GLIS3: variants seen among roughly 807,000 people sequenced by gnomAD.
GLIS3 encodes zinc finger protein GLIS3.
In GLIS3, 53 loss-of-function variants were observed where a neutral mutation model predicts 78.6. The ratio of observed to expected loss-of-function variants is 0.67; its 90% confidence interval spans 0.54 to 0.85. The LOEUF is 0.85. Among genes scored for constraint, GLIS3 ranks in the 40% least tolerant of loss-of-function variants. The probability of loss-of-function intolerance (pLI) is 0.00; values close to 1 mark genes in which losing one functional copy is unlikely to be tolerated. For missense variants in GLIS3, 1,703 were observed against 1,231.1 expected (o/e 1.38, Z -5.74); for synonymous variants, 684 against 509.9 (o/e 1.34, Z -4.60).
At chr9:4,452,190 T>C in the GLIS3 span, among the ~76,000 whole-genome samples, 5 of 152,158 alleles carry the variant, frequency 3.3e-5, no homozygotes, top group Non-Finnish European at 5.9e-5. Flanking sequence ...ATAAGAGTTA[T>C]TTATGACAAA....
intron 6 of GLIS3, among the ~76,000 whole-genome samples, chr9:3,907,599 C>CA (rs1384187942): frequency 0.032 from 4,280 of 132,272 alleles, 97 homozygotes; most frequent in East Asian, 0.084. Flanking sequence ...CATCCTCCAC[C>CA]CCCCAAACAC....
In GLIS3 at chr9:3,960,601, A is replaced by T. The variant is rs551317101; in HGVS notation, c.1711-23412T>A. On this transcript the variant is annotated intron_variant, in intron 4 of 10. Coordinates refer to ENST00000381971, the MANE Select transcript of GLIS3 (RefSeq NM_001042413.2). ...ACATAGTGGGTCCACAGTATGTTGA[A>T]TAAATTAATGAAAAGATTGTGTTTT... 2.6e-4 allele frequency among the ~76,000 whole-genome samples: 39 copies of T among 152,304 alleles called. No individual in the cohort carries two copies. The South Asian group carries it at 6.6e-3, about 26-fold the overall frequency.
chr9:4,145,873 A>G (rs2380938), intron 2 of GLIS3, among the ~76,000 whole-genome samples: 96,564 of 151,872 alleles, frequency 0.64, 31,081 homozygotes, highest in South Asian at 0.73. Context: ...TAAACAATAT[A>G]CTTCATTTAA....
At position 4,281,856 on chromosome 9, in the gene GLIS3, A is replaced by G. The variant is rs894137291; in HGVS notation, c.388+4182T>C. 2.6e-5 allele frequency among the ~76,000 whole-genome samples: 4 copies of G among 152,278 alleles called. No individual in the cohort carries two copies. In the East Asian group the frequency reaches 7.7e-4, roughly 29 times the overall value. ...AAGCTAGTAGTTTGCCTGGTGTCCA[A>G]AGGATATCACATATCCCTGTTTCCT... On this transcript the variant is annotated intron_variant, in intron 2 of 10. Coordinates refer to ENST00000381971, the MANE Select transcript of GLIS3 (RefSeq NM_001042413.2).
intron 2 of GLIS3, among the ~76,000 whole-genome samples, chr9:4,222,246 T>C (rs1260073162): frequency 6.6e-6 from 1 of 152,188 alleles, no homozygotes; most frequent in African/African-American, 2.4e-5. Context: ...GGTAGCAAAG[T>C]ACACCTTCCT....
chr9:4,253,803 C>G (rs1824641884), intron 2 of GLIS3, among the ~76,000 whole-genome samples: 2 of 152,204 alleles, frequency 1.3e-5, no homozygotes, highest in Non-Finnish European at 2.9e-5. Context: ...AGTATCTGGG[C>G]TGGAATGCAC....
the GLIS3 span, among the ~76,000 whole-genome samples, chr9:4,452,524 CAAT>C: frequency 1.3e-5 from 2 of 152,058 alleles, no homozygotes; most frequent in Non-Finnish European, 2.9e-5. Flanking sequence ...TCCTATAAAC[CAAT>C]AATAGGCAAA....
chr9:4,372,364 C>G, the GLIS3 span, among the ~76,000 whole-genome samples: 3 of 152,014 alleles, frequency 2.0e-5, no homozygotes, highest in Non-Finnish European at 4.4e-5. Flanking sequence ...CATCTTGGGG[C>G]TTTGTGGATC....
chr9:4,335,004 G>A (rs1484095977), intron 2 of GLIS3, among the ~76,000 whole-genome samples: 3 of 149,548 alleles, frequency 2.0e-5, no homozygotes, highest in Non-Finnish European at 4.4e-5. Flanking sequence ...CACCTCCCGG[G>A]TTCATGCCAT....
rs377426046 is a variant in GLIS3, at chr9:3,828,320, G to A, written c.2745C>T (p.Thr915=). 31 of 1,613,950 alleles carry A rather than the reference G, an allele frequency of 1.9e-5. No individual in the cohort carries two copies. The highest frequency in any genetic ancestry group is 6.6e-5 in the South Asian group (6 of 91,082). ...AEDATFLQIS[T]VDRCPSQLSS... is the part of the protein sequence containing the mutation. ...AGAGCTGGCTAGGACAGCGGTCCAC[G>A]GTGCTGATCTGCAAGAAGGTAGCAT... The change falls in exon 11 of 11, where the codon ACC becomes ACT. Residue 915 remains threonine, a synonymous_variant. Transcript: ENST00000381971.
At chr9:4,059,827 TGTGAGAGAGAGAGA>T (rs1826481475) in intron 4 of GLIS3, among the ~76,000 whole-genome samples, 1 of 106,706 alleles carries the variant, frequency 9.4e-6, no homozygotes, top group Admixed American at 9.2e-5. Context: ...TGTGTGTGTG[TGTGAGAGAGAGAGA>T]GAGAGAGAGA....
rs1168401778 is a variant in GLIS3 at position 3,827,062 on chromosome 9, T to C, written c.*1210A>G. ...AGAATTGCCTCTTTCTGTAGACTTT[T>C]CGAGAACTGTCACCTCTACCTTCCC... On this transcript the variant is annotated 3_prime_UTR_variant, in exon 11 of 11. Transcript: ENST00000381971. The C allele has an allele frequency of 6.6e-6, 1 of 152,184 alleles. No individual in the cohort carries two copies. Among genetic ancestry groups the C allele is most frequent in the Non-Finnish European group, 1.5e-5 (1 of 68,046 alleles). The allele number at this position is 152,184 out of a possible 1,614,324, so 9.4% of individuals were successfully genotyped here.
chr9:3,867,229 TTTGTTGTTG>T (rs969081494), intron 8 of GLIS3, among the ~76,000 whole-genome samples: 1 of 152,202 alleles, frequency 6.6e-6, no homozygotes, highest in Admixed American at 6.5e-5. Context: ...GCAATGTTGT[TTTGTTGTTG>T]TTGTTGCTGT....
intron 2 of GLIS3, chr9:4,310,558 G>C (rs12336107): frequency 6.6e-6 from 1 of 152,130 alleles, no homozygotes; most frequent in South Asian, 2.1e-4. Flanking sequence ...ATTAGTTTCA[G>C]TGCCGAATCA....
At chr9:3,908,706 G>GTTTTTTGTTTTTTTTT in intron 6 of GLIS3, among the ~76,000 whole-genome samples, 1 of 85,552 alleles carries the variant, frequency 1.2e-5, no homozygotes, top group Non-Finnish European at 2.0e-5. Context: ...ATTTGTATTT[G>GTTTTTTGTTTTTTTTT]TTTTTTTTTT....
At chr9:3,996,435 T>G (rs919240937) in intron 4 of GLIS3, among the ~76,000 whole-genome samples, 7 of 152,060 alleles carry the variant, frequency 4.6e-5, no homozygotes, top group African/African-American at 1.7e-4. Context: ...GACATTCTGG[T>G]GTGGTGTGAA....
chr9:4,061,266 C>G (rs1323359906), intron 4 of GLIS3, among the ~76,000 whole-genome samples: 3 of 138,730 alleles, frequency 2.2e-5, no homozygotes, highest in Non-Finnish European at 4.6e-5. Flanking sequence ...TTTCCTGTGT[C>G]CAAGTGTTCT....
the GLIS3 span, among the ~76,000 whole-genome samples, chr9:4,385,793 GAAAGAAAGAAAGAAAGA>G: frequency 5.4e-3 from 406 of 75,700 alleles, 80 homozygotes; most frequent in African/African-American, 0.025. Flanking sequence ...AAGAAAGAAA[GAAAGAAAGAAAGAAAGA>G]AAAGAAAGAA....
rs908728769 is a variant in GLIS3, at chr9:4,148,833, C to T, written c.389-22892G>A. On this transcript the variant is annotated intron_variant, in intron 2 of 10. Transcript: ENST00000381971. ...GCTGAGAAGCCTGGAGTGGGGGTAA[C>T]GTGGCCAGAGCTGCCACTTTGTTGT... is the stretch of plus-strand genomic sequence containing the variant. Among the ~76,000 whole-genome samples the T allele has an allele frequency of 5.3e-5, 8 of 152,164 alleles. No homozygotes were observed. The East Asian group carries it at 9.7e-4, about 18-fold the overall frequency.
Sources: allele counts gnomAD v4.1 joint callset (sites outside exome capture counted in the v4.1 genomes callset), GRCh38; gene constraint gnomAD v4.1.1; transcripts MANE v1.5; gene names NCBI Gene and HGNC (gene_info 2026-07-23, HGNC 2026-07-21).